The following NAV3 variants were observed in gnomAD, a reference collection of about 807,000 sequenced individuals.
NAV3 encodes neuron navigator 3.
In NAV3, 87 loss-of-function variants were observed where a neutral mutation model predicts 244.7. That is an observed-to-expected ratio of 0.36 (90% CI 0.30 to 0.42). NAV3 has a LOEUF of 0.42. Ranked by LOEUF, NAV3 falls within the 20% of genes least tolerant of loss-of-function variation. The pLI is 1.00. For missense variants in NAV3, 2,663 were observed against 2,893.3 expected (o/e 0.92, Z 1.83); for synonymous variants, 1,126 against 1,042.2 (o/e 1.08, Z -1.55).
At chr12:78,028,175 T>C (rs1214793417) in intron 9 of NAV3, among the ~76,000 whole-genome samples, 1 of 152,020 alleles carries the variant, frequency 6.6e-6, no homozygotes, top group Admixed American at 6.6e-5. Context: ...AAGCTGAAAA[T>C]GAAGATCTCA....
Position 77,735,980 on chromosome 12 carries a change from C to A in NAV3, c.72+163714C>A, listed in dbSNP as rs150745001. On this transcript the variant is annotated intron_variant, in intron 2 of 8. Transcript: ENST00000550042. ...CCCCTCTGCTGTCTGAAAACAGGTT[C>A]TAAACTGCATTTATCAAACTTGTTA... Among the ~76,000 whole-genome samples, 340 of 152,266 alleles carry A rather than the reference C, an allele frequency of 2.2e-3. 1 individual carries two copies. Among genetic ancestry groups the A allele is most frequent in the Non-Finnish European group, 3.5e-3 (235 of 68,014 alleles).
intron 2 of NAV3, among the ~76,000 whole-genome samples, chr12:77,631,220 A>G (rs917613439): frequency 1.3e-5 from 2 of 152,114 alleles, no homozygotes; most frequent in African/African-American, 2.4e-5. Flanking sequence ...TAAATGGCCT[A>G]CTGAACCAGA....
intron 2 of NAV3, among the ~76,000 whole-genome samples, chr12:77,818,859 A>G (rs954541672): frequency 6.6e-6 from 1 of 152,130 alleles, no homozygotes; most frequent in African/African-American, 2.4e-5. Context: ...AAATGTATTA[A>G]TTAGTATTCC....
chr12:77,823,175 G>GACCCTTAGAAATAGAGATCA (rs1455756534), intron 2 of NAV3, among the ~76,000 whole-genome samples: 1 of 152,100 alleles, frequency 6.6e-6, no homozygotes, highest in Admixed American at 6.5e-5. Flanking sequence ...AAGTTTTGCT[G>GACCCTTAGAAATAGAGATCA]ACCCTTAGAA....
chr12:78,147,757 A>C (rs1006830829), intron 21 of NAV3, among the ~76,000 whole-genome samples: 2 of 152,084 alleles, frequency 1.3e-5, no homozygotes, highest in African/African-American at 4.8e-5. Flanking sequence ...TGCCCGGGGC[A>C]AAAACTAGAC....
At chr12:78,108,820 G>A in intron 12 of NAV3, among the ~76,000 whole-genome samples, 2 of 151,962 alleles carry the variant, frequency 1.3e-5, no homozygotes, top group East Asian at 1.9e-4. Context: ...TGCTAAGAGG[G>A]AAGTTTATAG....
chr12:77,976,666 C>CTTTCTTTTTTTTTT (rs1446044531), intron 5 of NAV3, among the ~76,000 whole-genome samples: 5 of 58,060 alleles, frequency 8.6e-5, no homozygotes, highest in Non-Finnish European at 1.3e-4. Context: ...TTCTTTCTTT[C>CTTTCTTTTTTTTTT]TTTTTTTCTT....
At chr12:77,895,233 G>A (rs1259462108) in intron 1 of NAV3, among the ~76,000 whole-genome samples, 1 of 151,752 alleles carries the variant, frequency 6.6e-6, no homozygotes, top group East Asian at 1.9e-4. Flanking sequence ...ATCAACAAAG[G>A]AAGATAGAAG....
At chr12:77,589,756 C>T (rs1592480940) in intron 2 of NAV3, among the ~76,000 whole-genome samples, 1 of 152,344 alleles carries the variant, frequency 6.6e-6, no homozygotes, top group South Asian at 2.1e-4. Context: ...TGTGGGGACA[C>T]AGCCAAACCA....
intron 1 of NAV3, among the ~76,000 whole-genome samples, chr12:77,832,959 C>A (rs1873970996): frequency 6.6e-6 from 1 of 151,968 alleles, no homozygotes; most frequent in Non-Finnish European, 1.5e-5. Flanking sequence ...AGGAAAAAAC[C>A]TTTATACAAA....
intron 2 of NAV3, among the ~76,000 whole-genome samples, chr12:77,586,366 T>C (rs1206900782): frequency 6.6e-6 from 1 of 152,146 alleles, no homozygotes; most frequent in Non-Finnish European, 1.5e-5. Context: ...TTTTACATGG[T>C]AAGATTCTTT....
At chr12:77,764,327 G>A (rs11106610) in intron 2 of NAV3, among the ~76,000 whole-genome samples, 21,608 of 152,176 alleles carry the variant, frequency 0.14, 1,960 homozygotes, top group Non-Finnish European at 0.2. Context: ...CTTGTCAAAT[G>A]CAAATGTTAC....
intron 2 of NAV3, among the ~76,000 whole-genome samples, chr12:77,768,770 G>A (rs1869921753): frequency 6.6e-6 from 1 of 152,234 alleles, no homozygotes; most frequent in South Asian, 2.1e-4. Context: ...ATCTCAGAAT[G>A]AGGTAGGCAG....
At chr12:77,699,026 T>C (rs1047385334) in intron 2 of NAV3, among the ~76,000 whole-genome samples, 5 of 152,178 alleles carry the variant, frequency 3.3e-5, no homozygotes, top group Non-Finnish European at 2.9e-5. Context: ...AGCAAACATA[T>C]ATACTCTAGA....
intron 2 of NAV3, among the ~76,000 whole-genome samples, chr12:77,776,703 A>C (rs1378911228): frequency 6.6e-6 from 1 of 152,210 alleles, no homozygotes; most frequent in Non-Finnish European, 1.5e-5. Flanking sequence ...AGAGTTTTAC[A>C]CTACTCAAAC....
intron 1 of NAV3, among the ~76,000 whole-genome samples, chr12:77,886,935 T>C (rs1271040297): frequency 6.6e-6 from 1 of 152,134 alleles, no homozygotes; most frequent in African/African-American, 2.4e-5. Flanking sequence ...CCAAGCTATA[T>C]GGGAATGGAA....
intron 2 of NAV3, among the ~76,000 whole-genome samples, chr12:77,722,723 A>T (rs1282783915): frequency 6.6e-6 from 1 of 152,060 alleles, no homozygotes; most frequent in African/African-American, 2.4e-5. Context: ...ATTGGAATAA[A>T]AGCATGAACT....
chr12:77,730,439 AAGTT>A (rs929489974), intron 2 of NAV3, among the ~76,000 whole-genome samples: 1 of 151,938 alleles, frequency 6.6e-6, no homozygotes, highest in African/African-American at 2.4e-5. Flanking sequence ...AAGTGAGAAA[AAGTT>A]AGAAACAGCT....
At chr12:78,138,577 AT>A (rs1191212685) in intron 19 of NAV3, among the ~76,000 whole-genome samples, 1 of 152,060 alleles carries the variant, frequency 6.6e-6, no homozygotes, top group Non-Finnish European at 1.5e-5. Flanking sequence ...GACTCCACTG[AT>A]TTTTTCCATG....
Sources: allele counts gnomAD v4.1 joint callset (sites outside exome capture counted in the v4.1 genomes callset), GRCh38; gene constraint gnomAD v4.1.1; transcripts MANE v1.5; gene names NCBI Gene and HGNC (gene_info 2026-07-23, HGNC 2026-07-21).